The following PBX3 variants were observed in gnomAD, a reference collection of about 807,000 sequenced individuals.
PBX3 encodes the protein PBX homeobox 3.
In PBX3, 14 loss-of-function variants were observed where a neutral mutation model predicts 48.5. That is an observed-to-expected ratio of 0.29 (90% CI 0.19 to 0.45). PBX3 has a LOEUF of 0.45. Ranked by LOEUF, PBX3 falls within the 20% of genes least tolerant of loss-of-function variation. The pLI, the probability that PBX3 is intolerant of heterozygous loss-of-function variation, is 1.00. For synonymous variants in PBX3, 210 were observed against 200.3 expected (o/e 1.05, Z -0.41); for missense variants, 386 against 546.7 (o/e 0.71, Z 2.93).
Position 125,935,481 on chromosome 9 carries a change from G to A in PBX3, c.717G>A (p.Arg239=), listed in dbSNP as rs774624362. Residue 239 remains arginine, a synonymous_variant, in exon 5 of 9, where the codon AGG becomes AGA. Coordinates refer to ENST00000373489, the MANE Select transcript of PBX3 (RefSeq NM_006195.6). The part of the protein sequence containing the change: ...RSRFLDARRK[R]RNFSKQATEI... ...TTCACTCTTGTCATAGACGGAAAAG[G>A]CGTAACTTCAGTAAACAGGCCACAG... The A allele has an allele frequency of 3.1e-5, 50 of 1,613,410 alleles. No individual in the cohort carries two copies. The highest frequency in any genetic ancestry group is 4.2e-5 in the Non-Finnish European group (50 of 1,179,568).
chr9:125,786,912 T>G (rs1039240641), intron 2 of PBX3, among the ~76,000 whole-genome samples: 23 of 151,626 alleles, frequency 1.5e-4, no homozygotes, highest in African/African-American at 5.1e-4. Flanking sequence ...TTTAGTAGAG[T>G]CGGGGTTTCA....
chr9:125,777,102 C>T (rs979072491), intron 2 of PBX3, among the ~76,000 whole-genome samples: 10 of 150,522 alleles, frequency 6.6e-5, no homozygotes, highest in African/African-American at 2.4e-4. Context: ...ACCTCTGCCT[C>T]CCAGGTTCAA....
rs562392239 is a variant in PBX3 at position 125,965,253 on chromosome 9, C to A, written c.1213-578C>A. Reference sequence around the variant, plus strand: ...TGGGAGCAACATCCCAAATAGGAGCCTCAGCCACAGATAATTGGAATACAG... The same window carrying A: ...TGGGAGCAACATCCCAAATAGGAGCATCAGCCACAGATAATTGGAATACAG... On this transcript the variant is annotated intron_variant, in intron 8 of 8. Coordinates refer to ENST00000373489, the MANE Select transcript of PBX3 (RefSeq NM_006195.6). 2.0e-5 allele frequency among the ~76,000 whole-genome samples: 3 copies of A among 152,340 alleles called. No individual in the cohort carries two copies. The South Asian group carries it at 6.2e-4, about 32-fold the overall frequency.
chr9:125,950,924 GA>G (rs1842182253), intron 5 of PBX3, among the ~76,000 whole-genome samples: 1 of 152,102 alleles, frequency 6.6e-6, no homozygotes, highest in South Asian at 2.1e-4. Context: ...TTAATACAAT[GA>G]AAAAGAAATG....
At chr9:125,827,154 A>G (rs907707415) in intron 2 of PBX3, among the ~76,000 whole-genome samples, 2 of 152,198 alleles carry the variant, frequency 1.3e-5, no homozygotes, top group African/African-American at 4.8e-5. Flanking sequence ...TTAACCCAAT[A>G]AAATTATGCA....
Position 125,824,091 on chromosome 9 carries a change from A to T in PBX3, c.274+75468A>T, listed in dbSNP as rs1838738545. Among the ~76,000 whole-genome samples, 3 of 151,584 alleles carry T rather than the reference A, an allele frequency of 2.0e-5. No homozygotes were observed. The South Asian group carries it at 6.3e-4, about 32-fold the overall frequency. The stretch of plus-strand genomic sequence containing the variant: ...ACTTTGTCTCAAAAAAAAAAAAAAA[A>T]TGTAGGCTAAAGGGTTAAAGGATTT... On this transcript the variant is annotated intron_variant, in intron 2 of 8. Transcript: ENST00000373489.
At chr9:125,878,316 C>T (rs901803516) in intron 2 of PBX3, among the ~76,000 whole-genome samples, 4 of 152,002 alleles carry the variant, frequency 2.6e-5, no homozygotes, top group South Asian at 2.1e-4. Flanking sequence ...ATTGGTATTT[C>T]GAAAGGGGAG....
At chr9:125,836,211 C>T (rs537578897) in intron 2 of PBX3, among the ~76,000 whole-genome samples, 22 of 152,164 alleles carry the variant, frequency 1.4e-4, no homozygotes, top group African/African-American at 2.7e-4. Flanking sequence ...TTTGGGAGGC[C>T]GAGGCAGGTG....
At chr9:125,948,729 T>C (rs892191752) in intron 5 of PBX3, among the ~76,000 whole-genome samples, 23 of 152,028 alleles carry the variant, frequency 1.5e-4, no homozygotes, top group Non-Finnish European at 3.2e-4. Context: ...TGTATATATA[T>C]ATATATACAT....
At chr9:125,886,184 C>A (rs1227827030) in intron 2 of PBX3, among the ~76,000 whole-genome samples, 2 of 151,934 alleles carry the variant, frequency 1.3e-5, no homozygotes, top group Non-Finnish European at 1.5e-5. Context: ...TTAAGTGTGA[C>A]ATTAATGTAG....
intron 2 of PBX3, among the ~76,000 whole-genome samples, chr9:125,788,831 C>T (rs1272426487): frequency 6.6e-6 from 1 of 151,246 alleles, no homozygotes; most frequent in African/African-American, 2.4e-5. Flanking sequence ...GCCCAGATTG[C>T]GCCACTGCAC....
chr9:125,948,454 A>G (rs1842112426), intron 5 of PBX3, among the ~76,000 whole-genome samples: 1 of 152,212 alleles, frequency 6.6e-6, no homozygotes, highest in South Asian at 2.1e-4. Context: ...AAAGTAACAG[A>G]TAACCAAATA....
chr9:125,786,787 C>G (rs905876913), intron 2 of PBX3, among the ~76,000 whole-genome samples: 1 of 151,008 alleles, frequency 6.6e-6, no homozygotes, highest in African/African-American at 2.4e-5. Flanking sequence ...TGCGATGGCC[C>G]AATCTCAGCT....
At chr9:125,932,948 T>A (rs904567228) in intron 4 of PBX3, among the ~76,000 whole-genome samples, 1 of 152,202 alleles carries the variant, frequency 6.6e-6, no homozygotes, top group African/African-American at 2.4e-5. Context: ...AACACAGGCC[T>A]GGACTGATGT....
In PBX3 at chr9:125,780,233, C is replaced by T. The variant is rs1421945312; in HGVS notation, c.274+31610C>T. ...CTCCCGGACGGGTCGGCTGGCCGGG[C>T]GGGGGGCTGAGCCCCCCACCTCCCT... On this transcript the variant is annotated intron_variant, in intron 2 of 8. Transcript: ENST00000373489. Among the ~76,000 whole-genome samples, 9 of 128,420 alleles carry T rather than the reference C, an allele frequency of 7.0e-5. 1 individual carries two copies. The highest frequency in any genetic ancestry group is 3.1e-4 in the Admixed American group (4 of 12,766). The allele number at this position is 128,420 out of a possible 152,430, so 84.2% of individuals were successfully genotyped here.
At chr9:125,750,203 G>C (rs1451751624) in intron 2 of PBX3, among the ~76,000 whole-genome samples, 1 of 152,074 alleles carries the variant, frequency 6.6e-6, no homozygotes, top group Non-Finnish European at 1.5e-5. Flanking sequence ...CAAGCACTGG[G>C]GTATTGACTA....
intron 2 of PBX3, among the ~76,000 whole-genome samples, chr9:125,806,640 G>C (rs1029326907): frequency 6.6e-6 from 1 of 152,140 alleles, no homozygotes; most frequent in Non-Finnish European, 1.5e-5. Flanking sequence ...TTGTGGATTA[G>C]GTTTCAGTAT....
intron 2 of PBX3, among the ~76,000 whole-genome samples, chr9:125,911,705 C>T (rs539693498): frequency 7.9e-5 from 12 of 151,970 alleles, no homozygotes; most frequent in South Asian, 4.1e-4. Context: ...ACAGCGACGT[C>T]GTAGGCCTAA....
At chr9:125,869,460 C>T (rs1235317438) in intron 2 of PBX3, among the ~76,000 whole-genome samples, 3 of 151,874 alleles carry the variant, frequency 2.0e-5, no homozygotes, top group African/African-American at 7.3e-5. Context: ...ATAACATCAC[C>T]AAGGAGTATT....
Sources: gnomAD v4.1 joint callset for allele counts (sites outside exome capture counted in the v4.1 genomes callset) on GRCh38, gnomAD v4.1.1 for gene constraint, MANE v1.5 for transcripts, NCBI Gene and HGNC (gene_info 2026-07-23, HGNC 2026-07-21) for gene names.